SLC24A2: variants seen among roughly 807,000 people sequenced by gnomAD.
SLC24A2 encodes the protein solute carrier family 24 member 2.
A neutral mutation model predicts 62.0 loss-of-function variants in SLC24A2; 36 were observed. The ratio of observed to expected loss-of-function variants is 0.58; its 90% confidence interval spans 0.44 to 0.77. The LOEUF (loss-of-function observed/expected upper bound fraction) is 0.77. Ranked by LOEUF, SLC24A2 falls within the 30% of genes least tolerant of loss-of-function variation. SLC24A2 has a pLI of 0.00. For synonymous variants in SLC24A2, 358 were observed against 294.0 expected, an observed-to-expected ratio of 1.22 and a Z score of -2.23; for missense variants, 846 against 817.9, an observed-to-expected ratio of 1.03 and a Z score of -0.42.
the SLC24A2 span, among the ~76,000 whole-genome samples, chr9:20,193,322 C>T: frequency 2.8e-3 from 424 of 152,160 alleles, no homozygotes; most frequent in African/African-American, 9.9e-3. Context: ...AGTGAACAGA[C>T]TTCTGCTTTA....
At chr9:19,696,049 G>A (rs1172533951) in intron 2 of SLC24A2, among the ~76,000 whole-genome samples, 1 of 152,152 alleles carries the variant, frequency 6.6e-6, no homozygotes, top group Non-Finnish European at 1.5e-5. Flanking sequence ...GGGTGAGTGA[G>A]CATTACTGCC....
chr9:20,215,674 T>A, the SLC24A2 span, among the ~76,000 whole-genome samples: 1 of 152,332 alleles, frequency 6.6e-6, no homozygotes, highest in East Asian at 1.9e-4. Context: ...ATCAGTAAGC[T>A]GATGACTTCA....
chr9:19,947,434 AGAAG>A, the SLC24A2 span, among the ~76,000 whole-genome samples: 1 of 151,590 alleles, frequency 6.6e-6, no homozygotes, highest in Non-Finnish European at 1.5e-5. Context: ...AAGGAAAGAA[AGAAG>A]GAAGGAAGGG....
At chr9:20,079,713 A>G in the SLC24A2 span, among the ~76,000 whole-genome samples, 2 of 152,310 alleles carry the variant, frequency 1.3e-5, no homozygotes. Context: ...GAGTTCACTC[A>G]TGATTTGGCT....
the SLC24A2 span, among the ~76,000 whole-genome samples, chr9:19,981,925 G>C: frequency 6.6e-6 from 1 of 152,138 alleles, no homozygotes; most frequent in Non-Finnish European, 1.5e-5. Context: ...CCCACTATGA[G>C]ATTAACCAGT....
chr9:19,918,443 T>A, the SLC24A2 span, among the ~76,000 whole-genome samples: 63,485 of 150,546 alleles, frequency 0.42, 14,382 homozygotes, highest in Non-Finnish European at 0.52. Context: ...GCTTTGAGAA[T>A]GTGTGTGGTT....
chr9:20,307,590 G>C, the SLC24A2 span, among the ~76,000 whole-genome samples: 1 of 152,234 alleles, frequency 6.6e-6, no homozygotes, highest in Non-Finnish European at 1.5e-5. Context: ...TTCTCATTTG[G>C]CGTTTAGAGT....
chr9:19,555,973 A>G (rs1017120916), intron 7 of SLC24A2, among the ~76,000 whole-genome samples: 4 of 152,172 alleles, frequency 2.6e-5, no homozygotes, highest in Admixed American at 6.5e-5. Context: ...GAGAATATAC[A>G]TGTTATTCTA....
the SLC24A2 span, among the ~76,000 whole-genome samples, chr9:19,806,679 G>A: frequency 3.9e-5 from 6 of 152,122 alleles, no homozygotes; most frequent in Admixed American, 1.3e-4. Context: ...TGATTAGAAG[G>A]GGAGAAGGTC....
chr9:19,843,410 G>T, the SLC24A2 span, among the ~76,000 whole-genome samples: 1 of 152,206 alleles, frequency 6.6e-6, no homozygotes, highest in Non-Finnish European at 1.5e-5. Flanking sequence ...TACTCAGGAG[G>T]CTGAGGCCAG....
chr9:20,095,592 T>C, the SLC24A2 span, among the ~76,000 whole-genome samples: 28 of 152,220 alleles, frequency 1.8e-4, no homozygotes, highest in African/African-American at 6.3e-4. Flanking sequence ...AAGTGAAACA[T>C]TGGCTCTTCT....
intron 7 of SLC24A2, among the ~76,000 whole-genome samples, chr9:19,558,496 C>G (rs1209301822): frequency 6.6e-6 from 1 of 152,184 alleles, no homozygotes; most frequent in Non-Finnish European, 1.5e-5. Context: ...ATGTGCACTT[C>G]ATTGCTGATG....
intron 5 of SLC24A2, among the ~76,000 whole-genome samples, chr9:19,588,833 T>C (rs930150518): frequency 1.3e-5 from 2 of 152,126 alleles, no homozygotes; most frequent in African/African-American, 4.8e-5. Context: ...TGGTGGCGCC[T>C]GCCTGTAATC....
intron 2 of SLC24A2, among the ~76,000 whole-genome samples, chr9:19,690,537 C>A (rs1350775890): frequency 6.6e-6 from 1 of 152,056 alleles, no homozygotes. Flanking sequence ...GTTTACTGTA[C>A]AAGGAACCTG....
chr9:19,553,481 G>C (rs147151910), intron 7 of SLC24A2, among the ~76,000 whole-genome samples: 1 of 152,336 alleles, frequency 6.6e-6, no homozygotes, highest in African/African-American at 2.4e-5. Flanking sequence ...GGTCTCTGTA[G>C]AAGCCTTAGA....
the SLC24A2 span, among the ~76,000 whole-genome samples, chr9:20,154,833 G>C: frequency 6.6e-6 from 1 of 151,716 alleles, no homozygotes; most frequent in Non-Finnish European, 1.5e-5. Flanking sequence ...GCCATCCTCT[G>C]TGTGTCACGG....
the SLC24A2 span, among the ~76,000 whole-genome samples, chr9:19,814,763 T>A: frequency 6.6e-6 from 1 of 152,212 alleles, no homozygotes; most frequent in Non-Finnish European, 1.5e-5. Flanking sequence ...ATTTAGACAT[T>A]AGGAATCTCT....
chr9:20,051,695 C>A, the SLC24A2 span, among the ~76,000 whole-genome samples: 208 of 94,198 alleles, frequency 2.2e-3, no homozygotes, highest in Middle Eastern at 8.1e-3. Context: ...TTGCTCCCAG[C>A]CCAACCTTCC....
At chr9:19,976,641 T>G in the SLC24A2 span, among the ~76,000 whole-genome samples, 6 of 152,200 alleles carry the variant, frequency 3.9e-5, no homozygotes, top group Non-Finnish European at 8.8e-5. Context: ...TAATTATAAG[T>G]AATCTAGAAA....
Sources: gnomAD v4.1 joint callset for allele counts (sites outside exome capture counted in the v4.1 genomes callset) on GRCh38, gnomAD v4.1.1 for gene constraint, MANE v1.5 for transcripts, NCBI Gene and HGNC (gene_info 2026-07-23, HGNC 2026-07-21) for gene names.